Variants in CAPN5 observed in about 807,000 individuals in gnomAD.
The protein encoded by CAPN5 is calpain 5, also known as calpain-5.
In CAPN5, 54 loss-of-function variants were observed where a neutral mutation model predicts 73.0. That is an observed-to-expected ratio of 0.74 (90% CI 0.59 to 0.93). The LOEUF is 0.93. Ranked by LOEUF, CAPN5 falls within the 40% of genes least tolerant of loss-of-function variation. CAPN5 has a pLI of 0.00. For synonymous variants in CAPN5, 335 were observed against 356.9 expected (o/e 0.94, Z 0.69); for missense variants, 785 against 882.9 (o/e 0.89, Z 1.41).
intron 1 of CAPN5, among the ~76,000 whole-genome samples, chr11:77,070,724 G>T (rs1555032907): frequency 6.6e-5 from 10 of 152,178 alleles, no homozygotes. Flanking sequence ...CCGGAGATGA[G>T]AAGTCCCCCA....
At chr11:77,101,259 G>A (rs1258197925) in intron 3 of CAPN5, among the ~76,000 whole-genome samples, 3 of 152,184 alleles carry the variant, frequency 2.0e-5, no homozygotes, top group African/African-American at 7.2e-5. Context: ...ACCCTCTCAG[G>A]ACTGTGTGTC....
At chr11:77,109,581 C>A (rs1005979795) in intron 3 of CAPN5, among the ~76,000 whole-genome samples, 4 of 152,172 alleles carry the variant, frequency 2.6e-5, no homozygotes, top group Admixed American at 2.6e-4. Context: ...TTTGACATGG[C>A]CCCGGGAGTC....
chr11:77,093,887 C>T (rs530883055), intron 3 of CAPN5, 74 bp downstream of exon 3: 456 of 1,561,806 alleles, frequency 2.9e-4, no homozygotes, highest in South Asian at 2.5e-4. Context: ...GCCAGACAGG[C>T]GGAACCTGAT....
intron 1 of CAPN5, among the ~76,000 whole-genome samples, chr11:77,076,611 T>C (rs1448986699): frequency 6.6e-6 from 1 of 152,226 alleles, no homozygotes; most frequent in African/African-American, 2.4e-5. Flanking sequence ...AGTAAGATCA[T>C]GTGTTATTTG....
intron 3 of CAPN5, among the ~76,000 whole-genome samples, chr11:77,101,320 G>A (rs781819202): frequency 2.0e-5 from 3 of 152,146 alleles, no homozygotes; most frequent in Admixed American, 6.6e-5. Flanking sequence ...TGTGGTGCTG[G>A]GAAGGTTAGA....
At chr11:77,107,558 C>G (rs1226822332) in intron 3 of CAPN5, among the ~76,000 whole-genome samples, 4 of 152,088 alleles carry the variant, frequency 2.6e-5, no homozygotes, top group African/African-American at 9.7e-5. Context: ...TCTGCCACTA[C>G]CCGGGGAAGA....
At chr11:77,103,383 C>T in intron 3 of CAPN5, 1 of 1,551,566 alleles carries the variant, frequency 6.4e-7, no homozygotes, top group Non-Finnish European at 8.7e-7. Flanking sequence ...TCTCCCCTGC[C>T]CCTGCCACTT....
intron 5 of CAPN5, 135 bp downstream of exon 5, chr11:77,114,569 A>G: frequency 1.2e-6 from 1 of 824,452 alleles, no homozygotes; most frequent in South Asian, 1.5e-5. Flanking sequence ...GGAGGGGAGA[A>G]GTTGGAAGGT....
At chr11:77,091,826 G>C (rs74389282) in intron 2 of CAPN5, among the ~76,000 whole-genome samples, 86 of 152,292 alleles carry the variant, frequency 5.6e-4, no homozygotes, top group African/African-American at 2.0e-3. Flanking sequence ...TAGAGGTCTG[G>C]GCATAGCTTC....
intron 3 of CAPN5, among the ~76,000 whole-genome samples, chr11:77,095,304 C>T (rs1296186213): frequency 3.9e-5 from 6 of 152,282 alleles, no homozygotes; most frequent in African/African-American, 2.4e-5. Flanking sequence ...TCTCTGAGCT[C>T]AGAACAAGGT....
chr11:77,070,773 G>A (rs1401107644), intron 1 of CAPN5, among the ~76,000 whole-genome samples: 1 of 152,200 alleles, frequency 6.6e-6, no homozygotes, highest in African/African-American at 2.4e-5. Flanking sequence ...GGCTTCTTCT[G>A]TGGGATCTAG....
chr11:77,068,484 G>A (rs756105), intron 1 of CAPN5, among the ~76,000 whole-genome samples: 57,043 of 151,914 alleles, frequency 0.38, 11,578 homozygotes, highest in Non-Finnish European at 0.45. Flanking sequence ...AATCCACCAA[G>A]CAGAAAAGAA....
At chr11:77,091,040 G>A (rs1185137628) in intron 2 of CAPN5, among the ~76,000 whole-genome samples, 1 of 152,216 alleles carries the variant, frequency 6.6e-6, no homozygotes, top group Non-Finnish European at 1.5e-5. Context: ...GTGCCAACTG[G>A]AAGGAGGGGC....
intron 2 of CAPN5, among the ~76,000 whole-genome samples, chr11:77,085,654 G>C (rs139775177): frequency 6.6e-6 from 1 of 152,118 alleles, no homozygotes; most frequent in African/African-American, 2.4e-5. Context: ...GCGTCTCTCC[G>C]ACCACTCCTT....
intron 1 of CAPN5, among the ~76,000 whole-genome samples, chr11:77,082,828 G>C (rs782116397): frequency 6.6e-6 from 1 of 152,206 alleles, no homozygotes; most frequent in Non-Finnish European, 1.5e-5. Flanking sequence ...TGCCCTGGGC[G>C]AGCTTCCTCT....
chr11:77,118,207 G>T lies in CAPN5; in HGVS notation c.1022G>T (p.Arg341Leu), dbSNP rs782209266. 3 of 1,614,050 alleles carry T rather than the reference G, an allele frequency of 1.9e-6. No individual in the cohort carries two copies. In the South Asian group the frequency reaches 3.3e-5, roughly 18 times the overall value. Residue 341 changes from arginine to leucine, a missense_variant, in exon 8 of 13, where the codon CGC becomes CTC. Transcript: ENST00000648180. ...CRYFTDIIKC[R>L]VINTSHLSIH... ...TACTTCACGGACATCATCAAGTGCC[G>T]CGTGATCAACACATCCCACCTGAGC...
At chr11:77,103,399 C>A (rs1340877407) in intron 3 of CAPN5, 3 of 1,528,224 alleles carry the variant, frequency 2.0e-6, no homozygotes, top group East Asian at 2.3e-5. Flanking sequence ...CACTTTCCCC[C>A]CTGTATTTTT....
At chr11:77,075,908 T>C (rs907209071) in intron 1 of CAPN5, among the ~76,000 whole-genome samples, 3 of 152,170 alleles carry the variant, frequency 2.0e-5, no homozygotes, top group Admixed American at 2.0e-4. Context: ...ATGCAGGCTT[T>C]GCTTGTCTTA....
At chr11:77,099,741 G>A (rs1211391305) in intron 3 of CAPN5, among the ~76,000 whole-genome samples, 1 of 148,486 alleles carries the variant, frequency 6.7e-6, no homozygotes, top group Non-Finnish European at 1.5e-5. Flanking sequence ...GAGGGAGAGG[G>A]AGAGGGAGAC....
Sources: allele counts gnomAD v4.1 joint callset (sites outside exome capture counted in the v4.1 genomes callset), GRCh38; gene constraint gnomAD v4.1.1; transcripts MANE v1.5; gene names NCBI Gene and HGNC (gene_info 2026-07-23, HGNC 2026-07-21).